The following PPP1R36 variants were observed in gnomAD, a reference collection of about 807,000 sequenced individuals.
PPP1R36 encodes the protein chromosome 14 open reading frame 50.
PPP1R36 carries 47 observed loss-of-function variants against 53.4 expected under a neutral mutation model. The observed-to-expected ratio is 0.88, with a 90% CI of 0.70 to 1.12. The LOEUF (loss-of-function observed/expected upper bound fraction) is 1.12. PPP1R36 is among the 50% of genes most tolerant of loss of function. The probability of loss-of-function intolerance (pLI) is 0.00; values close to 1 mark genes in which losing one functional copy is unlikely to be tolerated. For missense variants in PPP1R36, 456 were observed against 513.9 expected (o/e 0.89, Z 1.09); for synonymous variants, 153 against 170.5 (o/e 0.90, Z 0.80).
At chr14:64,569,781 C>T (rs2080288849) in intron 7 of PPP1R36, among the ~76,000 whole-genome samples, 1 of 151,348 alleles carries the variant, frequency 6.6e-6, no homozygotes, top group Non-Finnish European at 1.5e-5. Flanking sequence ...CTCTGTCACC[C>T]AGGCTGGGGT....
In PPP1R36 at chr14:64,588,515, TAG is replaced by T. The variant is rs2080455644; in HGVS notation, c.1082+222_1082+223del. The T allele has an allele frequency of 1.9e-5, 8 of 425,338 alleles. No individual in the cohort carries two copies. In the East Asian group the frequency reaches 2.8e-4, roughly 15 times the overall value. The allele number at this position is 425,338 out of a possible 1,614,324, so 26.3% of individuals were successfully genotyped here. A position where few individuals can be genotyped will look rare whatever the true frequency, so the allele number is the denominator to read the frequency against. On this transcript the variant is annotated intron_variant, in intron 11 of 11. Coordinates refer to ENST00000298705, the MANE Select transcript of PPP1R36 (RefSeq NM_172365.3). ...AAAAACAATTGCTAGAAAGTGGTGC[TAG>T]ACTCCAAATAGTTCTAGTTTGGAGG...
intron 3 of PPP1R36, chr14:64,561,773 T>C (rs1395003896): frequency 2.2e-6 from 1 of 456,040 alleles, no homozygotes; most frequent in Non-Finnish European, 4.4e-6. Flanking sequence ...CTATCCTTTC[T>C]CTTCTTGCTT....
chr14:64,575,885 C>T (rs2080337583), intron 8 of PPP1R36, among the ~76,000 whole-genome samples: 2 of 151,884 alleles, frequency 1.3e-5, no homozygotes, highest in South Asian at 2.1e-4. Flanking sequence ...CTCCTGACCT[C>T]GTGATCCACC....
At chr14:64,586,735 G>T (rs2080436451) in intron 8 of PPP1R36, 102 bp from the exon 9 acceptor site, 5 of 729,554 alleles carry the variant, frequency 6.9e-6, no homozygotes, top group Non-Finnish European at 1.2e-5. Flanking sequence ...AAATAATCTT[G>T]GGGCCAAGAT....
intron 3 of PPP1R36, chr14:64,561,742 T>C: frequency 2.2e-6 from 1 of 455,708 alleles, no homozygotes; most frequent in Non-Finnish European, 4.4e-6. Context: ...AGGCAGACTT[T>C]TCTCTCTGAC....
Position 64,574,510 on chromosome 14 carries a change from C to A in PPP1R36, c.589C>A (p.Gln197Lys). 6.2e-7 allele frequency: 1 copy of A among 1,614,000 alleles called. No homozygotes were observed. Among genetic ancestry groups the A allele is most frequent in the Non-Finnish European group, 8.5e-7 (1 of 1,179,908 alleles). Reference sequence around the variant, plus strand: ...GGTTTTAAGTGAATTAGAAGCAGCACAGAGGTACTTGGCGCAGAAGTACTG... The same window carrying A: ...GGTTTTAAGTGAATTAGAAGCAGCAAAGAGGTACTTGGCGCAGAAGTACTG... ...ELVLSELEAA[Q>K]RYLAQKYCIL... Residue 197 changes from glutamine to lysine, a missense_variant, in exon 8 of 12, where the codon CAG becomes AAG. Physicochemically the swap from Gln to Lys is moderately conservative, Grantham distance 53. Transcript: ENST00000298705.
At chr14:64,559,874 C>T (rs76401032) in intron 3 of PPP1R36, among the ~76,000 whole-genome samples, 8 of 151,866 alleles carry the variant, frequency 5.3e-5, no homozygotes, top group East Asian at 1.9e-4. Flanking sequence ...GAGGCCAAGG[C>T]GAGGAAATAC....
intron 7 of PPP1R36, among the ~76,000 whole-genome samples, chr14:64,573,537 G>C (rs1290813748): frequency 6.6e-6 from 1 of 152,122 alleles, no homozygotes; most frequent in East Asian, 1.9e-4. Flanking sequence ...AACCAGTATA[G>C]ATAATTTGTT....
At chr14:64,577,887 G>A (rs1433020124) in intron 8 of PPP1R36, among the ~76,000 whole-genome samples, 5 of 151,384 alleles carry the variant, frequency 3.3e-5, no homozygotes, top group African/African-American at 4.9e-5. Context: ...CACCACGCCC[G>A]GCTAATTTTT....
chr14:64,555,097 G>A (rs969954042), intron 3 of PPP1R36, among the ~76,000 whole-genome samples: 17 of 151,896 alleles, frequency 1.1e-4, no homozygotes, highest in Admixed American at 9.2e-4. Context: ...CGCCAGTGGC[G>A]CTTGCAGCTA....
chr14:64,583,055 C>CTATA (rs748020243), intron 8 of PPP1R36, among the ~76,000 whole-genome samples: 150 of 141,588 alleles, frequency 1.1e-3, no homozygotes, highest in Non-Finnish European at 1.4e-3. Flanking sequence ...CCACTCCCAG[C>CTATA]TATATATATA....
chr14:64,571,347 G>T (rs1352062929), intron 7 of PPP1R36, among the ~76,000 whole-genome samples: 1 of 152,002 alleles, frequency 6.6e-6, no homozygotes, highest in Non-Finnish European at 1.5e-5. Flanking sequence ...GGCTGACCTT[G>T]AACTCCTGAC....
At position 64,564,818 on chromosome 14, in the gene PPP1R36, G is replaced by C. The variant is rs74056313; in HGVS notation, c.250G>C (p.Asp84His). The change falls in exon 4 of 12, where the codon GAT (aspartate) becomes CAT (histidine). Residue 84 changes from aspartate (D) to histidine (H), a missense_variant. By Grantham distance (81) the Asp-to-His change is moderately conservative. Coordinates refer to ENST00000298705, the MANE Select transcript of PPP1R36 (RefSeq NM_172365.3). Reference sequence around the variant, plus strand: ...CAAAGCAGTTCACTTTGCAGAAACTGATGGTCCAGCTTCAGACAGGTAGAT... The same window carrying C: ...CAAAGCAGTTCACTTTGCAGAAACTCATGGTCCAGCTTCAGACAGGTAGAT... The part of the protein sequence containing the change: ...KGKAVHFAET[D>H]GPASDRLTDK... 1,490 of 1,607,120 alleles carry C rather than the reference G, an allele frequency of 9.3e-4. 16 individuals are homozygous for C. In the African/African-American group the frequency reaches 0.018, roughly 19 times the overall value.
intron 3 of PPP1R36, among the ~76,000 whole-genome samples, chr14:64,554,262 T>C (rs1186643012): frequency 6.7e-6 from 1 of 149,576 alleles, no homozygotes; most frequent in Non-Finnish European, 1.5e-5. Context: ...AGCGATTCTC[T>C]TGCCTCAGCC....
intron 7 of PPP1R36, among the ~76,000 whole-genome samples, chr14:64,569,221 C>G (rs2080284102): frequency 6.6e-6 from 1 of 152,128 alleles, no homozygotes; most frequent in Non-Finnish European, 1.5e-5. Context: ...TGCCTCTCAG[C>G]CTTGGTGACC....
chr14:64,551,367 C>A (rs2080092644), intron 2 of PPP1R36, among the ~76,000 whole-genome samples: 1 of 152,082 alleles, frequency 6.6e-6, no homozygotes, highest in Non-Finnish European at 1.5e-5. Context: ...TATAAAATTG[C>A]CTTTTTGAGT....
chr14:64,553,437 CTG>C (rs1478453203), intron 3 of PPP1R36, among the ~76,000 whole-genome samples: 6 of 152,050 alleles, frequency 3.9e-5, no homozygotes, highest in East Asian at 1.9e-4. Flanking sequence ...TGTTCTTAAA[CTG>C]TGGTTTGATT....
At chr14:64,550,599 C>T (rs1332261886) in intron 1 of PPP1R36, among the ~76,000 whole-genome samples, 1 of 152,136 alleles carries the variant, frequency 6.6e-6, no homozygotes, top group African/African-American at 2.4e-5. Flanking sequence ...ATCTTTCGCC[C>T]TTCCCTTCCT....
intron 3 of PPP1R36, 69 bp from the exon 4 acceptor site, chr14:64,564,682 C>A: frequency 9.9e-7 from 1 of 1,012,724 alleles, no homozygotes; most frequent in Non-Finnish European, 1.5e-6. Flanking sequence ...AGATTATGAG[C>A]TATGATATGA....
Sources: gnomAD v4.1 joint callset for allele counts (sites outside exome capture counted in the v4.1 genomes callset) on GRCh38, gnomAD v4.1.1 for gene constraint, MANE v1.5 for transcripts, NCBI Gene and HGNC (gene_info 2026-07-23, HGNC 2026-07-21) for gene names.